Variants in TMPRSS9 observed in about 807,000 individuals in gnomAD.
The protein encoded by TMPRSS9 is transmembrane serine protease 9.
Under a neutral mutation model 111.4 loss-of-function variants are expected in TMPRSS9, and 113 were observed. The observed-to-expected ratio is 1.01, with a 90% CI of 0.87 to 1.19. The LOEUF is 1.19. Among genes scored for constraint, TMPRSS9 ranks in the 50% most tolerant of loss-of-function variants. The pLI, the probability that TMPRSS9 is intolerant of heterozygous loss-of-function variation, is 0.00. For missense variants in TMPRSS9, 1,803 were observed against 1,513.1 expected, an observed-to-expected ratio of 1.19 and a Z score of -3.18; for synonymous variants, 805 against 659.1, an observed-to-expected ratio of 1.22 and a Z score of -3.39.
chr19:2,396,644 T>G (rs1438070951), exon 2 of TMPRSS9: 1 of 1,608,374 alleles, frequency 6.2e-7, no homozygotes, highest in African/African-American at 1.3e-5. Context: ...CACCGCACGC[T>G]GACGCCCACC....
intron 6 of TMPRSS9, among the ~76,000 whole-genome samples, chr19:2,403,895 A>T (rs1003394586): frequency 1.3e-3 from 198 of 150,288 alleles, no homozygotes; most frequent in African/African-American, 4.6e-3. Context: ...TGGGAGGCTG[A>T]GGCAGGAGAA....
chr19:2,414,124 G>A (rs1010871346), intron 10 of TMPRSS9, 106 bp downstream of exon 11: 6 of 1,229,412 alleles, frequency 4.9e-6, no homozygotes, highest in Non-Finnish European at 5.5e-6. Flanking sequence ...TCCTGTTCAA[G>A]GAAAGGTCAC....
At chr19:2,384,793 C>T (rs1229584549), upstream of TMPRSS9, among the ~76,000 whole-genome samples, 3 of 132,252 alleles carry the variant, frequency 2.3e-5, no homozygotes, top group South Asian at 2.4e-4. Flanking sequence ...CCAGCCTGGG[C>T]GACAGAGTAA....
chr19:2,416,323 C>G, intron 11 of TMPRSS9: 1 of 621,908 alleles, frequency 1.6e-6, no homozygotes, highest in African/African-American at 1.8e-5. Flanking sequence ...GGTCCCCTGA[C>G]TTGTCCGAGG....
At position 2,389,939 on chromosome 19, in the gene TMPRSS9, T is replaced by C. The variant is rs1599285444; in HGVS notation, c.142+12T>C. 1.3e-6 allele frequency: 2 copies of C among 1,597,834 alleles called. No individual in the cohort carries two copies. Among genetic ancestry groups the C allele is most frequent in the Non-Finnish European group, 1.7e-6 (2 of 1,166,580 alleles). ...GGGAGTCCTTTTGGGTAAGTGGCTA[T>C]GGGATTGGCTGGGTTCGCAATACAA... On this transcript the variant is annotated intron_variant, in intron 1 of 17. Coordinates refer to ENST00000648592, the Ensembl canonical transcript of TMPRSS9.
At chr19:2,368,432 G>A (rs1970263558) in intron 1 of TMPRSS9, among the ~76,000 whole-genome samples, 1 of 152,208 alleles carries the variant, frequency 6.6e-6, no homozygotes, top group African/African-American at 2.4e-5. Context: ...GCTGGACCAT[G>A]CTGTGCATGT....
intron 1 of TMPRSS9, among the ~76,000 whole-genome samples, chr19:2,363,807 T>TGTGC (rs1555763793): frequency 0.028 from 2,944 of 105,936 alleles, 54 homozygotes; most frequent in Non-Finnish European, 0.04. Context: ...TGTGTGTGCG[T>TGTGC]GCGCGCGTGT....
chr19:2,420,751 G>A (rs1397137498), intron 13 of TMPRSS9, among the ~76,000 whole-genome samples: 2 of 152,142 alleles, frequency 1.3e-5, no homozygotes, highest in Non-Finnish European at 2.9e-5. Context: ...AGTGTTGTGA[G>A]ATCGGTGTCT....
rs370986274 is a variant in TMPRSS9 at position 2,418,161 on chromosome 19, C to T, written c.2154+23C>T. The T allele has an allele frequency of 1.0e-4, 164 of 1,583,378 alleles. No homozygotes were observed. In the East Asian group the frequency reaches 2.4e-3, roughly 23 times the overall value. Reference sequence around the variant, plus strand: ...CAGGTAAGCATTCAAAGGGGGAAAGCGGGCAATATTTCCATGAAATGCCCA... The same window carrying T: ...CAGGTAAGCATTCAAAGGGGGAAAGTGGGCAATATTTCCATGAAATGCCCA... On this transcript the variant is annotated intron_variant, in intron 13 of 17. Transcript: ENST00000648592.
At chr19:2,363,811 C>CGCGCGCGT (rs1555763797) in intron 1 of TMPRSS9, among the ~76,000 whole-genome samples, 1 of 114,826 alleles carries the variant, frequency 8.7e-6, no homozygotes, top group East Asian at 3.0e-4. Flanking sequence ...TGTGCGTGCG[C>CGCGCGCGT]GCGTGTGTGT....
chr19:2,379,837 G>A (rs533484285), intron 1 of TMPRSS9, among the ~76,000 whole-genome samples: 2 of 149,446 alleles, frequency 1.3e-5, no homozygotes, highest in East Asian at 4.0e-4. Flanking sequence ...CCTCACTGTA[G>A]TCTCGACCTC....
rs745818946 is a variant in TMPRSS9, at chr19:2,416,796, G to A, written c.2004G>A (p.Thr668=). Residue 668 remains threonine, a synonymous_variant, in exon 12 of 18, where the codon ACG becomes ACA. Transcript: ENST00000648592. ...GCATGATCTCCGGATGGGGAAATAC[G>A]CAGGAAGGAAATGGTGAGCGCTGCC... 8.7e-6 allele frequency: 14 copies of A among 1,609,554 alleles called. 1 individual carries two copies. Among genetic ancestry groups the A allele is most frequent in the South Asian group, 5.5e-5 (5 of 91,040 alleles).
At chr19:2,364,074 C>A in intron 1 of TMPRSS9, among the ~76,000 whole-genome samples, 1 of 152,068 alleles carries the variant, frequency 6.6e-6, no homozygotes. Context: ...CCCAGCTACT[C>A]AGGAGGCTGA....
upstream of TMPRSS9, among the ~76,000 whole-genome samples, chr19:2,385,050 C>G (rs924876833): frequency 6.6e-6 from 1 of 151,596 alleles, no homozygotes; most frequent in Admixed American, 6.6e-5. Context: ...AATCCCAGCA[C>G]TTTGGGAGGC....
chr19:2,404,018 AATT>A, intron 6 of TMPRSS9, among the ~76,000 whole-genome samples: 1 of 151,378 alleles, frequency 6.6e-6, no homozygotes, highest in Non-Finnish European at 1.5e-5. Context: ...AAGAAAAAAA[AATT>A]AGCCAGCGTG....
chr19:2,422,284 G>A (rs548232091), intron 14 of TMPRSS9, 37 bp downstream of exon 15: 79 of 1,488,596 alleles, frequency 5.3e-5, no homozygotes, highest in Non-Finnish European at 6.8e-5. Flanking sequence ...GGGAGTGGAG[G>A]GTCCCATGTT....
intron 2 of TMPRSS9, among the ~76,000 whole-genome samples, chr19:2,397,358 A>G (rs1401931423): frequency 1.3e-5 from 2 of 151,130 alleles, no homozygotes; most frequent in Non-Finnish European, 3.0e-5. Flanking sequence ...TGGCAGGATC[A>G]TGGCTCACTG....
upstream of TMPRSS9, among the ~76,000 whole-genome samples, chr19:2,385,169 T>C (rs1970450717): frequency 1.4e-5 from 1 of 71,008 alleles, no homozygotes; most frequent in Non-Finnish European, 2.5e-5. Flanking sequence ...AGGGCGGGGC[T>C]CGCGGGGGGC....
At chr19:2,372,419 A>G (rs1457980882) in intron 1 of TMPRSS9, among the ~76,000 whole-genome samples, 2 of 152,052 alleles carry the variant, frequency 1.3e-5, no homozygotes, top group African/African-American at 4.8e-5. Context: ...TCCCACCTCA[A>G]GGTCACCTGT....
Sources: allele counts gnomAD v4.1 joint callset (sites outside exome capture counted in the v4.1 genomes callset), GRCh38; gene constraint gnomAD v4.1.1; transcripts MANE v1.5; gene names NCBI Gene and HGNC (gene_info 2026-07-23, HGNC 2026-07-21).